MACROD2: variants seen among roughly 807,000 people sequenced by gnomAD.
The protein encoded by MACROD2 is mono-ADP ribosylhydrolase 2.
A neutral mutation model predicts 70.4 loss-of-function variants in MACROD2; 36 were observed. The ratio of observed to expected loss-of-function variants is 0.51; its 90% CI spans 0.39 to 0.68. The LOEUF (loss-of-function observed/expected upper bound fraction) is 0.68, where lower values mean the gene tolerates loss of function less well. Ranked by LOEUF, MACROD2 falls within the 30% of genes least tolerant of loss-of-function variation. MACROD2 has a pLI of 0.00. For missense variants in MACROD2, 496 were observed against 538.4 expected (o/e 0.92, Z 0.78); for synonymous variants, 172 against 178.8 (o/e 0.96, Z 0.30).
At chr20:15,054,515 A>G (rs188433187) in intron 5 of MACROD2, among the ~76,000 whole-genome samples, 89 of 152,330 alleles carry the variant, frequency 5.8e-4, no homozygotes, top group African/African-American at 2.0e-3. Context: ...AAATTAAGGT[A>G]GGTACATTAT....
intron 4 of MACROD2, among the ~76,000 whole-genome samples, chr20:14,681,499 C>G (rs2070932149): frequency 6.6e-6 from 1 of 152,126 alleles, no homozygotes; most frequent in Non-Finnish European, 1.5e-5. Context: ...AAGGCAGTCT[C>G]TCTATCTTTA....
chr20:15,729,831 C>CTTTTGTTTTTTTTT (rs2050918812), intron 8 of MACROD2, among the ~76,000 whole-genome samples: 1 of 64,772 alleles, frequency 1.5e-5, no homozygotes, highest in Non-Finnish European at 2.8e-5. Context: ...TTGGGTCATG[C>CTTTTGTTTTTTTTT]TTTTTTTTTT....
At chr20:15,592,215 A>T (rs2048689641) in intron 8 of MACROD2, among the ~76,000 whole-genome samples, 1 of 152,242 alleles carries the variant, frequency 6.6e-6, no homozygotes, top group Admixed American at 6.5e-5. Context: ...AAATGAGACA[A>T]TATGTGTAAA....
chr20:14,096,364 CTT>C (rs71335950), intron 3 of MACROD2, among the ~76,000 whole-genome samples: 1,597 of 117,970 alleles, frequency 0.014, 7 homozygotes, highest in South Asian at 0.035. Context: ...GTTATTTTAC[CTT>C]TTTTTTTTTT....
intron 8 of MACROD2, among the ~76,000 whole-genome samples, chr20:15,657,874 A>G (rs1057017027): frequency 2.6e-5 from 4 of 152,044 alleles, no homozygotes; most frequent in Non-Finnish European, 5.9e-5. Context: ...TGCCTGTAAT[A>G]CCCCGCTACT....
intron 4 of MACROD2, among the ~76,000 whole-genome samples, chr20:14,513,348 G>A (rs2085051941): frequency 6.6e-6 from 1 of 152,046 alleles, no homozygotes; most frequent in African/African-American, 2.4e-5. Flanking sequence ...CCTAACTGAT[G>A]GGATTTAAAT....
At chr20:15,581,993 G>A (rs923871011) in intron 8 of MACROD2, among the ~76,000 whole-genome samples, 2 of 152,114 alleles carry the variant, frequency 1.3e-5, no homozygotes, top group Non-Finnish European at 2.9e-5. Context: ...ATGATGGCGT[G>A]GACCTGTAGT....
At chr20:14,004,509 C>T (rs1308557973) in intron 2 of MACROD2, among the ~76,000 whole-genome samples, 1 of 152,132 alleles carries the variant, frequency 6.6e-6, no homozygotes, top group African/African-American at 2.4e-5. Flanking sequence ...CTTCCTTTTT[C>T]ATGAAGTGGA....
intron 6 of MACROD2, among the ~76,000 whole-genome samples, chr20:15,247,091 A>T (rs1032675116): frequency 1.3e-5 from 2 of 152,218 alleles, no homozygotes; most frequent in Non-Finnish European, 2.9e-5. Flanking sequence ...TTTTGAGGTG[A>T]TGGAAATGAT....
At chr20:14,255,063 G>C (rs1472779413) in intron 3 of MACROD2, among the ~76,000 whole-genome samples, 9 of 152,072 alleles carry the variant, frequency 5.9e-5, no homozygotes, top group African/African-American at 2.2e-4. Flanking sequence ...TTGAATATTG[G>C]CCCCCACTCT....
intron 5 of MACROD2, among the ~76,000 whole-genome samples, chr20:14,759,011 T>C (rs565487950): frequency 3.9e-5 from 6 of 152,120 alleles, no homozygotes; most frequent in Non-Finnish European, 5.9e-5. Context: ...CTTTTTCAAG[T>C]TCATATTCAA....
intron 6 of MACROD2, among the ~76,000 whole-genome samples, chr20:15,319,078 G>T (rs553440877): frequency 6.6e-6 from 1 of 152,212 alleles, no homozygotes; most frequent in South Asian, 2.1e-4. Flanking sequence ...TCCACAAAAA[G>T]AGAAAACTGC....
intron 8 of MACROD2, among the ~76,000 whole-genome samples, chr20:15,577,972 C>G (rs570649216): frequency 6.6e-6 from 1 of 152,148 alleles, no homozygotes; most frequent in Admixed American, 6.5e-5. Flanking sequence ...GTGAGTGAAG[C>G]AATGAGCAAC....
At chr20:14,221,424 T>C (rs975662116) in intron 3 of MACROD2, among the ~76,000 whole-genome samples, 1 of 152,130 alleles carries the variant, frequency 6.6e-6, no homozygotes, top group Non-Finnish European at 1.5e-5. Context: ...AGGATAGGTA[T>C]TACCCCCTGC....
intron 6 of MACROD2, among the ~76,000 whole-genome samples, chr20:15,424,676 C>T (rs928382054): frequency 1.3e-5 from 2 of 151,930 alleles, no homozygotes; most frequent in Admixed American, 1.3e-4. Flanking sequence ...GATAGGACTG[C>T]ACCACTGTAC....
chr20:14,039,675 A>C (rs142890098), intron 2 of MACROD2, among the ~76,000 whole-genome samples: 1 of 152,292 alleles, frequency 6.6e-6, no homozygotes, highest in Non-Finnish European at 1.5e-5. Context: ...TGGTAAAAAC[A>C]TTAAAAGGTT....
At chr20:15,129,343 A>G (rs899099818) in intron 5 of MACROD2, among the ~76,000 whole-genome samples, 1 of 152,114 alleles carries the variant, frequency 6.6e-6, no homozygotes. Context: ...TGGAATCCTT[A>G]GAAATACCAT....
chr20:15,357,115 A>G lies in MACROD2; in HGVS notation c.541-74290A>G, dbSNP rs116776320. On this transcript the variant is annotated intron_variant, in intron 6 of 17. Coordinates refer to ENST00000684519, the MANE Select transcript of MACROD2 (RefSeq NM_001351661.2). Reference sequence around the variant, plus strand: ...GAAACCATCTCATCAAAGAGTAAAAAAAAAAGTAGATTTGTCTTAGAACAA... The same window carrying G: ...GAAACCATCTCATCAAAGAGTAAAAGAAAAAGTAGATTTGTCTTAGAACAA... 4.1e-3 allele frequency among the ~76,000 whole-genome samples: 627 copies of G among 152,306 alleles called. 3 individuals carry two copies. Among genetic ancestry groups the G allele is most frequent in the African/African-American group, 0.014 (587 of 41,572 alleles).
intron 8 of MACROD2, among the ~76,000 whole-genome samples, chr20:15,632,910 C>T (rs1049953800): frequency 5.9e-5 from 9 of 151,276 alleles, no homozygotes; most frequent in African/African-American, 1.9e-4. Context: ...TCGTTCCCTT[C>T]TTTCTCCCTT....
Sources: allele counts gnomAD v4.1 joint callset (sites outside exome capture counted in the v4.1 genomes callset), GRCh38; gene constraint gnomAD v4.1.1; transcripts MANE v1.5; gene names NCBI Gene and HGNC (gene_info 2026-07-23, HGNC 2026-07-21).